The following LPGAT1 variants were observed in gnomAD, a reference collection of about 807,000 sequenced individuals.
LPGAT1 encodes acyl-CoA:lysophosphatidylglycerol acyltransferase 1.
In LPGAT1, 11 loss-of-function variants were observed where a neutral mutation model predicts 47.5. That is an observed-to-expected ratio of 0.23 (90% CI 0.15 to 0.38). The LOEUF (loss-of-function observed/expected upper bound fraction) is 0.38. Ranked by LOEUF, LPGAT1 falls within the 10% of genes least tolerant of loss-of-function variation. LPGAT1 has a pLI of 1.00. For synonymous variants in LPGAT1, 138 were observed against 144.2 expected (o/e 0.96, Z 0.31); for missense variants, 293 against 439.0 (o/e 0.67, Z 2.97).
chr1:211,764,358 T>C (rs1223716996), intron 6 of LPGAT1, among the ~76,000 whole-genome samples: 1 of 152,206 alleles, frequency 6.6e-6, no homozygotes, highest in African/African-American at 2.4e-5. Context: ...TCAGGTTTGC[T>C]GAACAGAATT....
intron 5 of LPGAT1, among the ~76,000 whole-genome samples, chr1:211,782,027 A>G (rs1658661653): frequency 6.6e-6 from 1 of 152,138 alleles, no homozygotes; most frequent in South Asian, 2.1e-4. Flanking sequence ...AAAAGCAATC[A>G]CTGCTAACAT....
intron 5 of LPGAT1, among the ~76,000 whole-genome samples, chr1:211,781,999 C>T (rs569512485): frequency 6.6e-6 from 1 of 152,254 alleles, no homozygotes; most frequent in East Asian, 1.9e-4. Flanking sequence ...AAAAATAATA[C>T]ATAATGTTAC....
In LPGAT1 at chr1:211,749,539, T is replaced by C; in HGVS notation, c.*360A>G. On this transcript the variant is annotated 3_prime_UTR_variant, in exon 8 of 8. Coordinates refer to ENST00000366997, the MANE Select transcript of LPGAT1 (RefSeq NM_014873.3). ...ATAGACTACAGCTAAGAGGGATGAA[T>C]ATAACTTTCTGAGCTTCAACTAAAT... is the stretch of plus-strand genomic sequence containing the variant. 3.8e-6 allele frequency: 1 copy of C among 259,932 alleles called. No homozygotes were observed. The highest frequency in any genetic ancestry group is 7.3e-6 in the Non-Finnish European group (1 of 137,166). The allele number at this position is 259,932 out of a possible 1,614,324, so 16.1% of individuals were successfully genotyped here. A position where few individuals can be genotyped will look rare whatever the true frequency, so the allele number is the denominator to read the frequency against.
rs74524585 is a variant in LPGAT1, at chr1:211,794,226, C to T, written c.239-1036G>A. On this transcript the variant is annotated intron_variant, in intron 2 of 7. Coordinates refer to ENST00000366997, the MANE Select transcript of LPGAT1 (RefSeq NM_014873.3). ...GAAGTTATCAGATGAAAAGTCACTG[C>T]GCCAAAATCTATACGTACATTCTAA... Among the ~76,000 whole-genome samples, 877 of 152,272 alleles carry T rather than the reference C, an allele frequency of 5.8e-3. 7 individuals carry two copies. The highest frequency in any genetic ancestry group is 0.019 in the African/African-American group (809 of 41,546).
Position 211,744,480 on chromosome 1 carries a change from C to T in LPGAT1, c.*5419G>A, listed in dbSNP as rs1008718405. 9.2e-5 allele frequency: 14 copies of T among 152,216 alleles called. No homozygotes were observed. The highest frequency in any genetic ancestry group is 2.9e-4 in the African/African-American group (12 of 41,520). 9.4% of individuals were successfully genotyped at this position (152,216 alleles called of 1,614,324 possible). A position where few individuals can be genotyped will look rare whatever the true frequency, so the allele number is the denominator to read the frequency against. ...TATTGGGAAATGAGTTAGATTTGGA[C>T]AGTCTGCCATTTTTCAAATCACAGT... On this transcript the variant is annotated 3_prime_UTR_variant, in exon 8 of 8. Transcript: ENST00000366997.
At chr1:211,828,891 T>C (rs770594031) in intron 2 of LPGAT1, among the ~76,000 whole-genome samples, 168 bp downstream of exon 2, 4 of 152,228 alleles carry the variant, frequency 2.6e-5, no homozygotes, top group Non-Finnish European at 4.4e-5. Flanking sequence ...TCTGAAAACA[T>C]TGGTCTTCCT....
At chr1:211,750,135 T>C (rs1034331658) in intron 7 of LPGAT1, 85 bp from the exon 8 acceptor site, 4 of 1,195,224 alleles carry the variant, frequency 3.3e-6, no homozygotes, top group Admixed American at 4.1e-5. Flanking sequence ...CTTAACTACA[T>C]TTGTACATGT....
chr1:211,815,712 A>G (rs1410034727), intron 2 of LPGAT1, among the ~76,000 whole-genome samples: 1 of 125,410 alleles, frequency 8.0e-6, no homozygotes, highest in East Asian at 2.2e-4. Flanking sequence ...TCTCCCCCTC[A>G]CTCCCTCCCT....
At chr1:211,758,824 A>AT (rs1296701239) in intron 6 of LPGAT1, among the ~76,000 whole-genome samples, 3 of 152,172 alleles carry the variant, frequency 2.0e-5, no homozygotes, top group Non-Finnish European at 2.9e-5. Flanking sequence ...TTGCTGTAAA[A>AT]TTTTTTATAG....
At chr1:211,779,363 A>G (rs1410601422) in intron 5 of LPGAT1, among the ~76,000 whole-genome samples, 2 of 152,194 alleles carry the variant, frequency 1.3e-5, no homozygotes, top group African/African-American at 4.8e-5. Context: ...TAACCTATGA[A>G]AAGGTCAGAA....
rs916684596 is a variant in LPGAT1, at chr1:211,746,070, A to G, written c.*3829T>C. The G allele has an allele frequency of 1.3e-5, 2 of 152,660 alleles. No homozygotes were observed. Among genetic ancestry groups the G allele is most frequent in the Non-Finnish European group, 2.9e-5 (2 of 68,038 alleles). 9.5% of individuals were successfully genotyped at this position (152,660 alleles called of 1,614,324 possible). Reference sequence around the variant, plus strand: ...AAACATTTTCTTTTCAAATATAAAAATAATCCAAGAAGACTATCCATGATT... The same window carrying G: ...AAACATTTTCTTTTCAAATATAAAAGTAATCCAAGAAGACTATCCATGATT... On this transcript the variant is annotated 3_prime_UTR_variant, in exon 8 of 8. Coordinates refer to ENST00000366997, the MANE Select transcript of LPGAT1 (RefSeq NM_014873.3).
intron 6 of LPGAT1, among the ~76,000 whole-genome samples, chr1:211,770,200 C>T (rs2102516482): frequency 6.6e-6 from 1 of 152,224 alleles, no homozygotes; most frequent in South Asian, 2.1e-4. Context: ...AATATCCTGT[C>T]TTTCTCTAGG....
intron 3 of LPGAT1, among the ~76,000 whole-genome samples, chr1:211,789,519 C>T (rs950335976): frequency 6.6e-6 from 1 of 152,060 alleles, no homozygotes; most frequent in Non-Finnish European, 1.5e-5. Flanking sequence ...GTTCTTTTGA[C>T]AGAAATAAAA....
At chr1:211,769,403 A>C (rs1443641707) in intron 6 of LPGAT1, among the ~76,000 whole-genome samples, 1 of 152,132 alleles carries the variant, frequency 6.6e-6, no homozygotes, top group African/African-American at 2.4e-5. Flanking sequence ...GCTATGAAGG[A>C]GTATATATTT....
chr1:211,819,878 G>A (rs1260485173), intron 2 of LPGAT1, among the ~76,000 whole-genome samples: 2 of 151,606 alleles, frequency 1.3e-5, no homozygotes, highest in African/African-American at 2.4e-5. Flanking sequence ...CCAGCTACTC[G>A]GGAGGCTGAG....
Position 211,830,303 on chromosome 1 carries a change from G to T in LPGAT1, c.-28+270C>A. On this transcript the variant is annotated intron_variant, in intron 1 of 7. Coordinates refer to ENST00000366997, the MANE Select transcript of LPGAT1 (RefSeq NM_014873.3). This position sits in a 1 kb window ranked among gnomAD's most constrained non-coding sequence, Gnocchi z 5.9. ...CCCGAGGCGCTGCGCGAGCGGGCGC[G>T]CTGGCGCCCTACTCCCCTCGCGGCT... 9.3e-7 allele frequency: 1 copy of T among 1,076,062 alleles called. No homozygotes were observed. The highest frequency in any genetic ancestry group is 1.1e-6 in the Non-Finnish European group (1 of 888,458). The allele number at this position is 1,076,062 out of a possible 1,614,324, so 66.7% of individuals were successfully genotyped here.
chr1:211,830,653 AAG>A lies in LPGAT1; in HGVS notation c.-110_-109del, dbSNP rs1660706971. 1 of 1,199,404 alleles carries A rather than the reference AAG, an allele frequency of 8.3e-7. No individual in the cohort carries two copies. The highest frequency in any genetic ancestry group is 1.0e-6 in the Non-Finnish European group (1 of 967,110). 74.3% of individuals were successfully genotyped at this position (1,199,404 alleles called of 1,614,324 possible). ...GCATGGCCGGCGGCGGGGCCGGCGG[AAG>A]AAGGCGGTGGCGGGGCCCTGCCCCG... is the stretch of plus-strand genomic sequence containing the variant. On this transcript the variant is annotated 5_prime_UTR_variant, in exon 1 of 8. Transcript: ENST00000366997. The surrounding 1 kb of genome is among the most constrained non-coding windows in gnomAD (Gnocchi z 5.9).
rs1354143264 is a variant in LPGAT1, at chr1:211,787,629, T to C, written c.453+3A>G. On this transcript the variant is annotated splice_donor_region_variant and intron_variant, in intron 4 of 7. Coordinates refer to ENST00000366997, the MANE Select transcript of LPGAT1 (RefSeq NM_014873.3). ...CTGCGGGGAAAAAGTGCTCATTACT[T>C]ACCTGTCTTATAAAGAAGTCTCCAT... 2.6e-6 allele frequency: 4 copies of C among 1,534,292 alleles called. No individual in the cohort carries two copies. The East Asian group carries it at 6.8e-5, about 26-fold the overall frequency.
intron 6 of LPGAT1, among the ~76,000 whole-genome samples, chr1:211,754,457 C>T (rs1657350238): frequency 6.6e-6 from 1 of 152,168 alleles, no homozygotes. Flanking sequence ...TTTCCTCATC[C>T]TTGTGGGTTT....
Sources: gnomAD v4.1 joint callset for allele counts (sites outside exome capture counted in the v4.1 genomes callset) on GRCh38, gnomAD v4.1.1 for gene constraint, Gnocchi (gnomAD v3.1) non-coding constraint, MANE v1.5 for transcripts, NCBI Gene and HGNC (gene_info 2026-07-23, HGNC 2026-07-21) for gene names.